Variants in FRMD4A observed in about 807,000 individuals in gnomAD.
The protein encoded by FRMD4A is FERM domain-containing protein 4A.
FRMD4A carries 29 observed loss-of-function variants against 129.1 expected under a neutral mutation model. The ratio of observed to expected loss-of-function variants is 0.22; its 90% CI spans 0.17 to 0.31. The LOEUF (loss-of-function observed/expected upper bound fraction) is 0.31. Ranked by LOEUF, FRMD4A falls within the 10% of genes least tolerant of loss-of-function variation. The probability of loss-of-function intolerance (pLI) is 1.00; values close to 1 mark genes in which losing one functional copy is unlikely to be tolerated. For synonymous variants in FRMD4A, 634 were observed against 571.6 expected, an observed-to-expected ratio of 1.11 and a Z score of -1.56; for missense variants, 1,272 against 1,375.8, an observed-to-expected ratio of 0.92 and a Z score of 1.19.
intron 2 of FRMD4A, among the ~76,000 whole-genome samples, chr10:13,974,871 C>A (rs2095535740): frequency 6.6e-6 from 1 of 152,218 alleles, no homozygotes; most frequent in Admixed American, 6.5e-5. Flanking sequence ...CACAAGGCAG[C>A]TCCCCACGTG....
chr10:14,240,894 C>G (rs1844018037), intron 2 of FRMD4A, among the ~76,000 whole-genome samples: 1 of 135,478 alleles, frequency 7.4e-6, no homozygotes, highest in African/African-American at 2.8e-5. Context: ...GCTGGGATCC[C>G]TTTCTCTTTA....
In FRMD4A at chr10:13,774,037, C is replaced by T. The variant is rs145074279; in HGVS notation, c.384+8885G>A. ...CACATTTCTAAATGAGATGTATCCA[C>T]GCCCTGGCCAATGTCCTCTCTATCA... On this transcript the variant is annotated intron_variant, in intron 6 of 24. Coordinates refer to ENST00000357447, the MANE Select transcript of FRMD4A (RefSeq NM_018027.5). 1.6e-3 allele frequency among the ~76,000 whole-genome samples: 240 copies of T among 152,320 alleles called. 1 individual carries two copies. Among genetic ancestry groups the T allele is most frequent in the African/African-American group, 5.0e-3 (208 of 41,566 alleles).
At chr10:14,246,771 G>C (rs1373272616) in intron 2 of FRMD4A, among the ~76,000 whole-genome samples, 1 of 152,092 alleles carries the variant, frequency 6.6e-6, no homozygotes, top group South Asian at 2.1e-4. Context: ...GTTAGGTCCC[G>C]CCTCGGTGGA....
At position 13,918,260 on chromosome 10, in the gene FRMD4A, T is replaced by C. The variant is rs548465993; in HGVS notation, c.46-59348A>G. On this transcript the variant is annotated intron_variant, in intron 2 of 24. Transcript: ENST00000357447. ...AGAGCCTTGAACAGTGCCTGGAACATACTAGGCTCAATACACCATTTTTGA... is the reference window on the plus strand; with the variant it reads ...AGAGCCTTGAACAGTGCCTGGAACACACTAGGCTCAATACACCATTTTTGA... Among the ~76,000 whole-genome samples the C allele has an allele frequency of 7.0e-4, 106 of 152,282 alleles. 1 individual carries two copies. The highest frequency in any genetic ancestry group is 2.4e-3 in the African/African-American group (99 of 41,564).
intron 11 of FRMD4A, 78 bp from the exon 12 acceptor site, chr10:13,738,008 A>G (rs76379231): frequency 0.045 from 37,326 of 822,614 alleles, 1,064 homozygotes; most frequent in East Asian, 0.13. Context: ...TTCCTGGCTC[A>G]GGGGCAGACG....
chr10:14,035,665 G>T (rs1833464125), intron 2 of FRMD4A, among the ~76,000 whole-genome samples: 1 of 152,110 alleles, frequency 6.6e-6, no homozygotes, highest in Non-Finnish European at 1.5e-5. Context: ...GGGCATCTGG[G>T]ACCAGAGCAC....
In FRMD4A at chr10:14,197,067, G is replaced by A. The variant is rs1211842150; in HGVS notation, c.45+132991C>T. On this transcript the variant is annotated intron_variant, in intron 2 of 24. Transcript: ENST00000357447. ...CAGCCTGAAGACCCAGAAACATCCC[G>A]ATGGATATTTAAGCCAGCTCAGAAA... Among the ~76,000 whole-genome samples the A allele has an allele frequency of 5.9e-5, 9 of 152,234 alleles. No individual in the cohort carries two copies. The East Asian group carries it at 1.5e-3, about 26-fold the overall frequency.
intron 2 of FRMD4A, among the ~76,000 whole-genome samples, chr10:13,917,980 CAAAA>C (rs2095029386): frequency 6.6e-6 from 1 of 152,186 alleles, no homozygotes; most frequent in African/African-American, 2.4e-5. Context: ...AATCACTCTA[CAAAA>C]AGTGATCACT....
chr10:13,652,271 T>G (rs1372651485), intron 23 of FRMD4A: 10 of 450,074 alleles, frequency 2.2e-5, no homozygotes, highest in South Asian at 1.5e-4. Flanking sequence ...AAATTTGGCT[T>G]GAGTCCTCAC....
At chr10:14,234,258 A>T (rs1843727900) in intron 2 of FRMD4A, among the ~76,000 whole-genome samples, 1 of 151,940 alleles carries the variant, frequency 6.6e-6, no homozygotes, top group Admixed American at 6.6e-5. Flanking sequence ...TGAACCAACC[A>T]CTGCAACCCT....
At chr10:14,169,043 G>T (rs9424187) in intron 2 of FRMD4A, among the ~76,000 whole-genome samples, 3 of 152,194 alleles carry the variant, frequency 2.0e-5, no homozygotes, top group African/African-American at 7.2e-5. Flanking sequence ...GCATCATAGT[G>T]GCTCTTTGTA....
chr10:13,700,539 G>C (rs749517814), intron 14 of FRMD4A, among the ~76,000 whole-genome samples: 6 of 152,218 alleles, frequency 3.9e-5, no homozygotes, highest in Non-Finnish European at 7.3e-5. Flanking sequence ...GCAGGATCTT[G>C]AGAGAAGCTG....
At chr10:13,917,266 T>C (rs1307302172) in intron 2 of FRMD4A, among the ~76,000 whole-genome samples, 1 of 149,202 alleles carries the variant, frequency 6.7e-6, no homozygotes, top group East Asian at 2.0e-4. Flanking sequence ...TCTGGTTCTA[T>C]CTTAATATCC....
intron 3 of FRMD4A, among the ~76,000 whole-genome samples, chr10:13,819,454 T>A (rs1323997756): frequency 6.6e-6 from 1 of 152,110 alleles, no homozygotes; most frequent in Admixed American, 6.6e-5. Flanking sequence ...CTCTCCCTCC[T>A]CTGGATTTCT....
intron 2 of FRMD4A, among the ~76,000 whole-genome samples, chr10:14,103,804 T>TTCCC (rs1303812517): frequency 3.3e-5 from 5 of 152,214 alleles, no homozygotes; most frequent in African/African-American, 1.2e-4. Flanking sequence ...GATGTTTTTC[T>TTCCC]TCCCTCCCTC....
At chr10:13,926,982 G>C (rs552167543) in intron 2 of FRMD4A, among the ~76,000 whole-genome samples, 87 of 152,270 alleles carry the variant, frequency 5.7e-4, no homozygotes, top group African/African-American at 2.1e-3. Flanking sequence ...GACCAGGTGT[G>C]GTGGCTCACG....
At chr10:13,803,635 G>A (rs879476196) in intron 4 of FRMD4A, among the ~76,000 whole-genome samples, 1 of 72,246 alleles carries the variant, frequency 1.4e-5, no homozygotes, top group Non-Finnish European at 2.8e-5. Flanking sequence ...ACCATACCCA[G>A]CCCCCAATTT....
At chr10:14,250,296 CTG>C (rs1300509089) in intron 2 of FRMD4A, among the ~76,000 whole-genome samples, 1 of 152,172 alleles carries the variant, frequency 6.6e-6, no homozygotes, top group Non-Finnish European at 1.5e-5. Context: ...CTCATAAAAA[CTG>C]TGCCCATTTC....
intron 2 of FRMD4A, among the ~76,000 whole-genome samples, chr10:14,160,378 G>A (rs937769621): frequency 3.9e-5 from 6 of 152,078 alleles, no homozygotes; most frequent in African/African-American, 7.2e-5. Flanking sequence ...CATTGGTCTC[G>A]GCAAAGGTTT....
Sources: gnomAD v4.1 joint callset for allele counts (sites outside exome capture counted in the v4.1 genomes callset) on GRCh38, gnomAD v4.1.1 for gene constraint, MANE v1.5 for transcripts, NCBI Gene and HGNC (gene_info 2026-07-23, HGNC 2026-07-21) for gene names.